Variants in BMP2K observed in about 807,000 individuals in gnomAD.
BMP2K encodes the protein BMP2 inducible kinase, also known as BMP-2-inducible protein kinase.
A neutral mutation model predicts 116.0 loss-of-function variants in BMP2K; 74 were observed. The ratio of observed to expected loss-of-function variants is 0.64; its 90% confidence interval spans 0.53 to 0.77. The LOEUF is 0.77. Among genes scored for constraint, BMP2K ranks in the 30% least tolerant of loss-of-function variants. BMP2K has a pLI of 0.00. For synonymous variants in BMP2K, 486 were observed against 502.5 expected (o/e 0.97, Z 0.44); for missense variants, 1,365 against 1,403.6 (o/e 0.97, Z 0.44).
intron 1 of BMP2K, among the ~76,000 whole-genome samples, chr4:78,816,997 A>T (rs112906009): frequency 6.6e-6 from 1 of 152,182 alleles, no homozygotes; most frequent in Non-Finnish European, 1.5e-5. Flanking sequence ...TTTATCAAGT[A>T]CTCATTAATT....
chr4:78,869,377 G>A (rs1266398258), intron 10 of BMP2K, among the ~76,000 whole-genome samples: 1 of 152,120 alleles, frequency 6.6e-6, no homozygotes, highest in Non-Finnish European at 1.5e-5. Context: ...AGGATAGAGG[G>A]AAGTGAGGGG....
chr4:78,876,605 T>C (rs1263048854), intron 13 of BMP2K, among the ~76,000 whole-genome samples: 1 of 152,180 alleles, frequency 6.6e-6, no homozygotes, highest in Non-Finnish European at 1.5e-5. Flanking sequence ...GCAATGGCAA[T>C]GAGCTCTCAA....
rs572878085 is a variant in BMP2K, at chr4:78,790,440, A to G, written c.178+13719A>G. ...AAATTACATTCGTAATAGCAAAACA[A>G]TGTATATCACCTAAGAGCTAAACTC... On this transcript the variant is annotated intron_variant, in intron 1 of 15. Coordinates refer to ENST00000502613, the MANE Select transcript of BMP2K (RefSeq NM_198892.2). Among the ~76,000 whole-genome samples, 34 of 152,344 alleles carry G rather than the reference A, an allele frequency of 2.2e-4. No individual in the cohort carries two copies. In the South Asian group the frequency reaches 6.8e-3, roughly 31 times the overall value.
At chr4:78,888,800 T>C (rs982817594) in intron 15 of BMP2K, among the ~76,000 whole-genome samples, 2 of 152,230 alleles carry the variant, frequency 1.3e-5, no homozygotes, top group African/African-American at 4.8e-5. Flanking sequence ...GAATTGTCTA[T>C]CTTTGAATCC....
At chr4:78,824,734 A>T (rs1408365450) in intron 1 of BMP2K, among the ~76,000 whole-genome samples, 1 of 152,170 alleles carries the variant, frequency 6.6e-6, no homozygotes, top group Non-Finnish European at 1.5e-5. Context: ...TTTAAAGGCT[A>T]TTAAATTAAT....
intron 15 of BMP2K, among the ~76,000 whole-genome samples, chr4:78,908,447 A>G (rs967927070): frequency 1.3e-4 from 20 of 152,096 alleles, no homozygotes; most frequent in African/African-American, 4.8e-4. Flanking sequence ...TTTGTTTTGT[A>G]TGTTCATCTT....
chr4:78,817,564 A>G (rs1560513007), intron 1 of BMP2K, among the ~76,000 whole-genome samples: 1 of 152,064 alleles, frequency 6.6e-6, no homozygotes, highest in Non-Finnish European at 1.5e-5. Context: ...TAGGTACACC[A>G]CTCTGCCAGT....
In BMP2K at chr4:78,911,603, G is replaced by A. The variant is rs1231973566; in HGVS notation, c.3056G>A (p.Arg1019His). 5 of 1,613,762 alleles carry A rather than the reference G, an allele frequency of 3.1e-6. No individual in the cohort carries two copies. Among genetic ancestry groups the A allele is most frequent in the Non-Finnish European group, 4.2e-6 (5 of 1,179,866 alleles). The change falls in exon 16 of 16, where the codon CGC becomes CAC. Residue 1019 changes from arginine (R) to histidine (H), a missense_variant. Arg to His is a conservative substitution (Grantham distance 29). This residue lies in a region of BMP2K where 596 missense variants were observed against 623.2 expected (regional missense o/e 0.96). Transcript: ENST00000502613. ...ACCTATCGCACTCCAGAGAGGGCTC[G>A]CAGGCACAAAAAAGTGGGCCGCCGA... ...KPTYRTPERA[R>H]RHKKVGRRDS...
intron 15 of BMP2K, among the ~76,000 whole-genome samples, chr4:78,902,368 T>C (rs908386208): frequency 2.0e-5 from 3 of 152,188 alleles, no homozygotes; most frequent in Admixed American, 6.5e-5. Flanking sequence ...TGGGAAATAC[T>C]GTTCACAACT....
Position 78,878,344 on chromosome 4 carries a change from A to G in BMP2K, c.1794-390A>G, listed in dbSNP as rs1732732409. 2.0e-5 allele frequency among the ~76,000 whole-genome samples: 3 copies of G among 152,296 alleles called. No homozygotes were observed. In the South Asian group the frequency reaches 6.2e-4, roughly 32 times the overall value. ...TACTTTAAGTCTTGTTTACTATGAT[A>G]ATAACAGTTAATATTTATTATTTTT... is the stretch of plus-strand genomic sequence containing the variant. On this transcript the variant is annotated intron_variant, in intron 13 of 15. Transcript: ENST00000502613.
At chr4:78,797,190 A>G (rs1728338660) in intron 1 of BMP2K, among the ~76,000 whole-genome samples, 1 of 152,182 alleles carries the variant, frequency 6.6e-6, no homozygotes, top group Non-Finnish European at 1.5e-5. Context: ...AACTGCTTAC[A>G]TTTAGTACAT....
rs1326828099 is a variant in BMP2K at position 78,835,478 on chromosome 4, A to G, written c.403+1791A>G. Among the ~76,000 whole-genome samples the G allele has an allele frequency of 3.3e-5, 5 of 152,016 alleles. No homozygotes were observed. In the East Asian group the frequency reaches 9.7e-4, roughly 29 times the overall value. On this transcript the variant is annotated intron_variant, in intron 3 of 15. Transcript: ENST00000502613. ...GTCTCTACTAAAAATACAAAAAAAA[A>G]GTTAGCCGAGCGTTGTGGCAGGTGT...
At chr4:78,849,235 T>C (rs1004777982) in intron 6 of BMP2K, among the ~76,000 whole-genome samples, 1 of 151,302 alleles carries the variant, frequency 6.6e-6, no homozygotes, top group Non-Finnish European at 1.5e-5. Flanking sequence ...TACCTATTAA[T>C]GAAGAAAATT....
chr4:78,880,607 A>G (rs563625987), intron 14 of BMP2K, among the ~76,000 whole-genome samples: 2 of 152,334 alleles, frequency 1.3e-5, no homozygotes, highest in East Asian at 3.9e-4. Context: ...AGAATTTGTA[A>G]TGACATCAAA....
intron 5 of BMP2K, 35 bp downstream of exon 5, chr4:78,845,084 T>A: frequency 6.6e-7 from 1 of 1,516,366 alleles, no homozygotes; most frequent in Non-Finnish European, 9.1e-7. Flanking sequence ...TTTGTCATGG[T>A]AATTTTAAGT....
Position 78,865,586 on chromosome 4 carries a change from C to A in BMP2K, c.1097C>A (p.Thr366Asn). The A allele has an allele frequency of 6.2e-7, 1 of 1,613,958 alleles. No homozygotes were observed. Among genetic ancestry groups the A allele is most frequent in the Non-Finnish European group, 8.5e-7 (1 of 1,179,948 alleles). Residue 366 changes from threonine to asparagine, a missense_variant, in exon 10 of 16, where the codon ACC becomes AAC. Transcript: ENST00000502613. ...RITDTIGPTE[T>N]SIAPRQRPKA... ...ACAGATACCATTGGACCAACAGAAACCTCAATTGCACCAAGACAAAGACCA... is the reference window on the plus strand; with the variant it reads ...ACAGATACCATTGGACCAACAGAAAACTCAATTGCACCAAGACAAAGACCA...
intron 4 of BMP2K, 103 bp downstream of exon 4, chr4:78,842,630 T>A (rs1307116287): frequency 1.3e-5 from 14 of 1,062,628 alleles, no homozygotes; most frequent in Non-Finnish European, 1.7e-5. Context: ...TTGAGGTTGG[T>A]CTCTCTCTCC....
At chr4:78,884,268 A>G (rs981659514) in intron 14 of BMP2K, among the ~76,000 whole-genome samples, 4 of 152,218 alleles carry the variant, frequency 2.6e-5, no homozygotes, top group Admixed American at 2.0e-4. Context: ...TTGAGGCCAC[A>G]GTGAGCCATG....
intron 13 of BMP2K, among the ~76,000 whole-genome samples, 164 bp from the exon 14 acceptor site, chr4:78,878,570 A>C (rs955190239): frequency 1.3e-5 from 2 of 152,154 alleles, no homozygotes; most frequent in Admixed American, 1.3e-4. Flanking sequence ...TCTAGATCCC[A>C]TATGTTCTCC....
Sources: allele counts gnomAD v4.1 joint callset (sites outside exome capture counted in the v4.1 genomes callset), GRCh38; gene constraint gnomAD v4.1.1; regional missense constraint gnomAD v4.1.1; transcripts MANE v1.5; gene names NCBI Gene and HGNC (gene_info 2026-07-23, HGNC 2026-07-21).